NRCAM: variants seen among roughly 807,000 people sequenced by gnomAD.
NRCAM encodes the protein neuronal cell adhesion molecule.
NRCAM carries 83 observed loss-of-function variants against 156.5 expected under a neutral mutation model. The observed-to-expected ratio is 0.53, with a 90% CI of 0.44 to 0.64. The LOEUF is 0.64. Among genes scored for constraint, NRCAM ranks in the 30% least tolerant of loss-of-function variants. The probability of loss-of-function intolerance (pLI) is 0.00; values close to 1 mark genes in which losing one functional copy is unlikely to be tolerated. For synonymous variants in NRCAM, 538 were observed against 563.9 expected, an observed-to-expected ratio of 0.95 and a Z score of 0.65; for missense variants, 1,417 against 1,597.3, an observed-to-expected ratio of 0.89 and a Z score of 1.92.
chr7:108,324,877 C>CTTTTTTTTTT (rs60553976), intron 2 of NRCAM, among the ~76,000 whole-genome samples: 1 of 82,676 alleles, frequency 1.2e-5, no homozygotes, highest in African/African-American at 5.1e-5. Context: ...TGGCACTGTA[C>CTTTTTTTTTT]TTTTTTTTTT....
chr7:108,283,933 C>A (rs528341338), intron 3 of NRCAM, among the ~76,000 whole-genome samples: 29 of 152,234 alleles, frequency 1.9e-4, no homozygotes, highest in African/African-American at 7.0e-4. Flanking sequence ...GCGACCTCTG[C>A]CTCCTGGGTT....
intron 3 of NRCAM, among the ~76,000 whole-genome samples, chr7:108,301,539 C>T (rs2098612244): frequency 1.3e-5 from 2 of 152,166 alleles, no homozygotes; most frequent in Non-Finnish European, 2.9e-5. Context: ...AACTGCATGA[C>T]CTCTGACCAT....
At chr7:108,164,150 AATGAGAGGTCATACCGGGTGGGGTGGG>A (rs1435700850) in intron 30 of NRCAM, among the ~76,000 whole-genome samples, 14 of 125,842 alleles carry the variant, frequency 1.1e-4, no homozygotes, top group Admixed American at 2.4e-4. Flanking sequence ...GGGTGGCGGT[AATGAGAGGTCATACCGGGTGGGGTGGG>A]GTAATGAGAG....
At chr7:108,172,345 C>T (rs2058774989) in intron 28 of NRCAM, among the ~76,000 whole-genome samples, 3 of 152,118 alleles carry the variant, frequency 2.0e-5, no homozygotes, top group Admixed American at 6.5e-5. Context: ...GTGGTGCAAT[C>T]TTGGCTCAGT....
chr7:108,413,413 T>A (rs975509530), intron 1 of NRCAM, among the ~76,000 whole-genome samples: 4 of 152,234 alleles, frequency 2.6e-5, no homozygotes, highest in Non-Finnish European at 5.9e-5. Context: ...GTTCCTTATA[T>A]ATTTTGGATA....
chr7:108,381,116 C>T (rs2154358007), intron 2 of NRCAM, among the ~76,000 whole-genome samples: 1 of 152,054 alleles, frequency 6.6e-6, no homozygotes, highest in East Asian at 1.9e-4. Flanking sequence ...GGACTAATGC[C>T]ATTAAAACTA....
intron 2 of NRCAM, among the ~76,000 whole-genome samples, chr7:108,391,464 G>A (rs2154376216): frequency 6.6e-6 from 1 of 152,052 alleles, no homozygotes. Flanking sequence ...GAGCCTATGT[G>A]TGTCTCTGCA....
chr7:108,337,951 C>G (rs906176005), intron 2 of NRCAM, among the ~76,000 whole-genome samples: 2 of 152,040 alleles, frequency 1.3e-5, no homozygotes, highest in Non-Finnish European at 2.9e-5. Flanking sequence ...ACCTGTCGGC[C>G]GGTTAAAAAC....
rs771008130 is a variant in NRCAM at position 108,181,811 on chromosome 7, C to T, written c.2646+11G>A. On this transcript the variant is annotated intron_variant, in intron 24 of 32. Transcript: ENST00000379028. ...ACTAAATAAAGCCACAAAAGGTCCCCTTTCACTTGCCCGATAGCCTTGTAG... is the reference window on the plus strand; with the variant it reads ...ACTAAATAAAGCCACAAAAGGTCCCTTTTCACTTGCCCGATAGCCTTGTAG... 3 of 1,602,878 alleles carry T rather than the reference C, an allele frequency of 1.9e-6. No individual in the cohort carries two copies. Among genetic ancestry groups the T allele is most frequent in the Non-Finnish European group, 1.7e-6 (2 of 1,170,170 alleles).
chr7:108,307,515 A>G (rs762780858), intron 3 of NRCAM, among the ~76,000 whole-genome samples: 12 of 152,212 alleles, frequency 7.9e-5, no homozygotes, highest in Non-Finnish European at 1.8e-4. Context: ...TTTCTGCAAC[A>G]GTCAACCAGA....
chr7:108,168,473 TTAAA>T, intron 28 of NRCAM, 71 bp from the exon 29 acceptor site: 1 of 1,286,310 alleles, frequency 7.8e-7, no homozygotes, highest in Non-Finnish European at 1.0e-6. Context: ...TAAAATAAGT[TTAAA>T]TACTCTGAAA....
intron 13 of NRCAM, among the ~76,000 whole-genome samples, chr7:108,203,616 GAC>G (rs1369921993): frequency 1.3e-5 from 2 of 152,164 alleles, no homozygotes; most frequent in Admixed American, 1.3e-4. Flanking sequence ...GGCGAAAGGA[GAC>G]AGTCAGTGTC....
intron 2 of NRCAM, among the ~76,000 whole-genome samples, chr7:108,348,794 G>A (rs577317410): frequency 2.0e-5 from 3 of 151,898 alleles, no homozygotes; most frequent in Admixed American, 6.5e-5. Flanking sequence ...CCAGCCACTC[G>A]GGAGGCTGAG....
intron 2 of NRCAM, among the ~76,000 whole-genome samples, chr7:108,313,999 T>C (rs2098842651): frequency 6.6e-6 from 1 of 152,224 alleles, no homozygotes; most frequent in Non-Finnish European, 1.5e-5. Context: ...CACATGCTGA[T>C]GGATTCCTAA....
At chr7:108,346,747 T>A (rs1440018553) in intron 2 of NRCAM, among the ~76,000 whole-genome samples, 1 of 152,124 alleles carries the variant, frequency 6.6e-6, no homozygotes, top group Non-Finnish European at 1.5e-5. Flanking sequence ...TGCTGTCCAA[T>A]CCAGTAATCA....
At chr7:108,320,260 T>C (rs1424234848) in intron 2 of NRCAM, among the ~76,000 whole-genome samples, 1 of 151,988 alleles carries the variant, frequency 6.6e-6, no homozygotes, top group African/African-American at 2.4e-5. Flanking sequence ...AAGACCAGCC[T>C]GGGCAACACA....
chr7:108,409,425 C>T (rs1792530120), intron 1 of NRCAM, among the ~76,000 whole-genome samples: 1 of 152,236 alleles, frequency 6.6e-6, no homozygotes, highest in African/African-American at 2.4e-5. Context: ...GCTTCTGACA[C>T]TTCCTTCCCA....
chr7:108,338,226 C>A (rs193067117), intron 2 of NRCAM, among the ~76,000 whole-genome samples: 87 of 152,350 alleles, frequency 5.7e-4, no homozygotes, highest in Non-Finnish European at 2.2e-4. Context: ...TTCCTTCTGA[C>A]CCATACCTCC....
intron 2 of NRCAM, among the ~76,000 whole-genome samples, chr7:108,376,279 A>G (rs961064947): frequency 5.3e-5 from 8 of 152,268 alleles, no homozygotes; most frequent in Admixed American, 6.5e-5. Context: ...CATCCATTTC[A>G]TCACTGTCAT....
Sources: gnomAD v4.1 joint callset for allele counts (sites outside exome capture counted in the v4.1 genomes callset) on GRCh38, gnomAD v4.1.1 for gene constraint, MANE v1.5 for transcripts, NCBI Gene and HGNC (gene_info 2026-07-23, HGNC 2026-07-21) for gene names.